The following NCKAP5 variants were observed in gnomAD, a reference collection of about 807,000 sequenced individuals.
The protein encoded by NCKAP5 is nck-associated protein 5.
A neutral mutation model predicts 167.0 loss-of-function variants in NCKAP5; 92 were observed. That is an observed-to-expected ratio of 0.55 (90% CI 0.47 to 0.66). The LOEUF (loss-of-function observed/expected upper bound fraction) is 0.66. Among genes scored for constraint, NCKAP5 ranks in the 30% least tolerant of loss-of-function variants. The pLI, the probability that NCKAP5 is intolerant of heterozygous loss-of-function variation, is 0.00. For missense variants in NCKAP5, 2,378 were observed against 2,315.0 expected, an observed-to-expected ratio of 1.03 and a Z score of -0.56; for synonymous variants, 891 against 877.4, an observed-to-expected ratio of 1.02 and a Z score of -0.27.
rs146781066 is a variant in NCKAP5, at chr2:133,464,114, G to A, written c.69+53344C>T. 2.6e-4 allele frequency among the ~76,000 whole-genome samples: 39 copies of A among 152,244 alleles called. No homozygotes were observed. The East Asian group carries it at 7.2e-3, about 28-fold the overall frequency. On this transcript the variant is annotated intron_variant, in intron 3 of 19. Transcript: ENST00000409261. ...GGCTGTACAAGACTTCAGTTTGCTT[G>A]CTCACTAGCAATATATATGAGTCCT...
Position 132,827,978 on chromosome 2 carries a change from G to A in NCKAP5, c.808-31249C>T, listed in dbSNP as rs556723482. ...TAATAGGTAAAACTTTGGCTTTGAAGTCAGATTGAAGCACAAACCCAAGCT... is the reference window on the plus strand; with the variant it reads ...TAATAGGTAAAACTTTGGCTTTGAAATCAGATTGAAGCACAAACCCAAGCT... On this transcript the variant is annotated intron_variant, in intron 11 of 19. Transcript: ENST00000409261. Among the ~76,000 whole-genome samples the A allele has an allele frequency of 4.6e-5, 7 of 152,280 alleles. No individual in the cohort carries two copies. The South Asian group carries it at 1.5e-3, about 32-fold the overall frequency.
intron 19 of NCKAP5, among the ~76,000 whole-genome samples, chr2:132,707,779 C>A (rs145422327): frequency 6.6e-6 from 1 of 152,086 alleles, no homozygotes; most frequent in Non-Finnish European, 1.5e-5. Context: ...CATAGCTTTG[C>A]GAGGGACTGT....
At chr2:133,178,840 A>G (rs2084599417) in intron 5 of NCKAP5, among the ~76,000 whole-genome samples, 1 of 150,564 alleles carries the variant, frequency 6.6e-6, no homozygotes, top group East Asian at 1.9e-4. Flanking sequence ...AAAAAAAAAA[A>G]AAAAAAAAAA....
At chr2:133,201,127 T>G (rs926585305) in intron 5 of NCKAP5, among the ~76,000 whole-genome samples, 2 of 152,162 alleles carry the variant, frequency 1.3e-5, no homozygotes, top group African/African-American at 4.8e-5. Flanking sequence ...GATACCATGA[T>G]AGTTGATGTG....
intron 19 of NCKAP5, among the ~76,000 whole-genome samples, chr2:132,687,261 T>G (rs1432021292): frequency 6.6e-6 from 1 of 152,130 alleles, no homozygotes; most frequent in Admixed American, 6.5e-5. Flanking sequence ...CTGCAGATCT[T>G]TAGCCTGGCC....
chr2:133,396,434 G>A (rs150902076), intron 3 of NCKAP5, among the ~76,000 whole-genome samples: 318 of 152,074 alleles, frequency 2.1e-3, no homozygotes, highest in African/African-American at 7.4e-3. Context: ...GCCCCTAAAT[G>A]CTTCTCATAT....
At chr2:133,537,377 G>A (rs1280731003) in intron 2 of NCKAP5, among the ~76,000 whole-genome samples, 1 of 152,064 alleles carries the variant, frequency 6.6e-6, no homozygotes, top group African/African-American at 2.4e-5. Context: ...TGAGTTTGTA[G>A]ATCAATCTGG....
intron 2 of NCKAP5, among the ~76,000 whole-genome samples, chr2:133,528,131 C>A (rs974232907): frequency 6.6e-6 from 1 of 151,894 alleles, no homozygotes; most frequent in Non-Finnish European, 1.5e-5. Flanking sequence ...AAATGGATAG[C>A]TAGAAAGTAG....
At chr2:132,897,055 T>A (rs1693264829) in intron 8 of NCKAP5, among the ~76,000 whole-genome samples, 1 of 152,218 alleles carries the variant, frequency 6.6e-6, no homozygotes, top group African/African-American at 2.4e-5. Flanking sequence ...AGATAAATAA[T>A]CATGGAATCA....
At chr2:133,507,469 G>A (rs539962803) in intron 3 of NCKAP5, among the ~76,000 whole-genome samples, 150 of 152,248 alleles carry the variant, frequency 9.9e-4, no homozygotes, top group Non-Finnish European at 1.8e-3. Flanking sequence ...GGGCATATTC[G>A]GAAATGGACA....
chr2:133,135,401 T>C (rs1245401844), intron 5 of NCKAP5, among the ~76,000 whole-genome samples: 1 of 151,716 alleles, frequency 6.6e-6, no homozygotes, highest in African/African-American at 2.4e-5. Context: ...AGGACGCAGG[T>C]GGAAAAGAAT....
chr2:133,416,296 T>C (rs559039718), intron 3 of NCKAP5, among the ~76,000 whole-genome samples: 103 of 152,316 alleles, frequency 6.8e-4, no homozygotes, highest in Non-Finnish European at 1.2e-3. Flanking sequence ...GTGTCCCGTT[T>C]TCCAGATTCC....
At chr2:133,503,773 A>T (rs550962152) in intron 3 of NCKAP5, among the ~76,000 whole-genome samples, 1 of 152,362 alleles carries the variant, frequency 6.6e-6, no homozygotes, top group African/African-American at 2.4e-5. Flanking sequence ...AACTTTTGTT[A>T]TTTCCAAACA....
intron 2 of NCKAP5, among the ~76,000 whole-genome samples, chr2:133,538,922 T>A (rs1481398998): frequency 8.4e-6 from 1 of 119,252 alleles, no homozygotes; most frequent in African/African-American, 3.3e-5. Context: ...TTTTTTGTGG[T>A]TTTTTTGGGT....
intron 8 of NCKAP5, among the ~76,000 whole-genome samples, chr2:132,920,774 T>TATATAA (rs1695341769): frequency 1.2e-3 from 4 of 3,474 alleles, no homozygotes; most frequent in Admixed American, 6.3e-3. Flanking sequence ...TATGTATGTA[T>TATATAA]ATATATATAT....
At chr2:133,104,566 T>G (rs531914992) in intron 6 of NCKAP5, among the ~76,000 whole-genome samples, 1 of 152,374 alleles carries the variant, frequency 6.6e-6, no homozygotes, top group East Asian at 1.9e-4. Context: ...GTTTTTCATT[T>G]ATATCTCATG....
At chr2:132,840,574 G>T in intron 11 of NCKAP5, among the ~76,000 whole-genome samples, 1 of 152,106 alleles carries the variant, frequency 6.6e-6, no homozygotes, top group South Asian at 2.1e-4. Flanking sequence ...ACTGTGCATG[G>T]CTTCATACAG....
At chr2:132,966,132 C>A (rs565641949) in intron 7 of NCKAP5, among the ~76,000 whole-genome samples, 2 of 152,156 alleles carry the variant, frequency 1.3e-5, no homozygotes, top group Non-Finnish European at 2.9e-5. Context: ...TGGAGACTCG[C>A]TCTGTTACCC....
intron 6 of NCKAP5, among the ~76,000 whole-genome samples, chr2:133,092,573 A>G (rs58923924): frequency 0.066 from 9,988 of 152,250 alleles, 1,059 homozygotes; most frequent in African/African-American, 0.22. Flanking sequence ...ACATACAGCA[A>G]GTCCTAAAAT....
Sources: allele counts gnomAD v4.1 joint callset (sites outside exome capture counted in the v4.1 genomes callset), GRCh38; gene constraint gnomAD v4.1.1; transcripts MANE v1.5; gene names NCBI Gene and HGNC (gene_info 2026-07-23, HGNC 2026-07-21).